Variants in GRID2 observed in about 807,000 individuals in gnomAD.
GRID2 encodes the protein glutamate ionotropic receptor delta type subunit 2.
GRID2 carries 33 observed loss-of-function variants against 114.8 expected under a neutral mutation model. The observed-to-expected ratio is 0.29, with a 90% CI of 0.22 to 0.38. The LOEUF (loss-of-function observed/expected upper bound fraction) is 0.38, where lower values mean the gene tolerates loss of function less well. Ranked by LOEUF, GRID2 falls within the 10% of genes least tolerant of loss-of-function variation. GRID2 has a pLI of 1.00. For missense variants in GRID2, 1,184 were observed against 1,257.7 expected (o/e 0.94, Z 0.89); for synonymous variants, 505 against 449.9 (o/e 1.12, Z -1.55).
At chr4:93,201,235 A>G (rs1189246585) in intron 4 of GRID2, among the ~76,000 whole-genome samples, 1 of 152,210 alleles carries the variant, frequency 6.6e-6, no homozygotes, top group Admixed American at 6.5e-5. Flanking sequence ...ATAATGTGGT[A>G]ATAGCATCTG....
chr4:93,802,798 T>C (rs1734957083), intron 1 of GRID2, among the ~76,000 whole-genome samples: 1 of 152,194 alleles, frequency 6.6e-6, no homozygotes, highest in Non-Finnish European at 1.5e-5. Context: ...TAATTAAGGG[T>C]CAAGGATCCA....
intron 4 of GRID2, among the ~76,000 whole-genome samples, chr4:93,121,438 T>A (rs1381752129): frequency 1.3e-5 from 2 of 152,184 alleles, no homozygotes; most frequent in African/African-American, 4.8e-5. Context: ...GTTTTGTCTT[T>A]CTTTCGTTCA....
intron 13 of GRID2, among the ~76,000 whole-genome samples, chr4:93,599,379 T>A (rs1200406445): frequency 6.6e-6 from 1 of 152,190 alleles, no homozygotes; most frequent in Non-Finnish European, 1.5e-5. Flanking sequence ...CAGGTGTACT[T>A]CAGGTAAATA....
intron 2 of GRID2, among the ~76,000 whole-genome samples, chr4:93,052,215 C>T (rs1181789404): frequency 6.6e-6 from 1 of 151,852 alleles, no homozygotes; most frequent in Non-Finnish European, 1.5e-5. Context: ...GATGATGGAA[C>T]TTATATCAGA....
Position 93,005,330 on chromosome 4 carries a change from G to T in GRID2, c.245-79665G>T, listed in dbSNP as rs1357587467. 2.6e-5 allele frequency among the ~76,000 whole-genome samples: 4 copies of T among 152,106 alleles called. No homozygotes were observed. The East Asian group carries it at 5.8e-4, about 22-fold the overall frequency. On this transcript the variant is annotated intron_variant, in intron 2 of 15. Coordinates refer to ENST00000282020, the MANE Select transcript of GRID2 (RefSeq NM_001510.4). ...ACTAACTCACTCAATAAGTGCTGCT[G>T]GTGCTGCCTACAGACTTTATACCAA...
At chr4:92,822,172 T>C (rs1315061415) in intron 2 of GRID2, 3 of 407,462 alleles carry the variant, frequency 7.4e-6, no homozygotes, top group Non-Finnish European at 1.4e-5. Flanking sequence ...CTGAGGCCTG[T>C]GGTAGCGCAG....
chr4:93,240,968 G>A (rs1216447491), intron 8 of GRID2, among the ~76,000 whole-genome samples: 2 of 151,532 alleles, frequency 1.3e-5, no homozygotes. Flanking sequence ...AGCACAGACA[G>A]TTTGCTTGGC....
intron 2 of GRID2, among the ~76,000 whole-genome samples, chr4:92,601,763 A>T (rs1000308012): frequency 6.6e-6 from 1 of 151,854 alleles, no homozygotes; most frequent in Admixed American, 6.6e-5. Context: ...AAAAATGTAG[A>T]CCACCTGCTG....
At chr4:93,316,303 A>C (rs373370255) in intron 8 of GRID2, among the ~76,000 whole-genome samples, 102 of 117,542 alleles carry the variant, frequency 8.7e-4, no homozygotes, top group Middle Eastern at 7.9e-3. Context: ...AAAGAAAGAA[A>C]GAAAGAAAGA....
intron 1 of GRID2, among the ~76,000 whole-genome samples, chr4:92,432,772 A>G (rs1732526489): frequency 6.6e-6 from 1 of 151,966 alleles, no homozygotes; most frequent in Non-Finnish European, 1.5e-5. Flanking sequence ...CTTCAATATA[A>G]AGTCCCCTTT....
chr4:93,335,763 A>G (rs915303502), intron 8 of GRID2, among the ~76,000 whole-genome samples: 1 of 148,770 alleles, frequency 6.7e-6, no homozygotes, highest in Non-Finnish European at 1.5e-5. Context: ...TGGCATGACA[A>G]TCAGGGCTCA....
intron 2 of GRID2, among the ~76,000 whole-genome samples, chr4:92,921,791 G>C (rs186907624): frequency 6.6e-6 from 1 of 152,202 alleles, no homozygotes. Context: ...CTACTCAGGG[G>C]TCAGGGACCC....
chr4:92,564,684 T>C (rs958496130), intron 1 of GRID2, among the ~76,000 whole-genome samples: 1 of 152,042 alleles, frequency 6.6e-6, no homozygotes, highest in East Asian at 1.9e-4. Context: ...ACTAAAAGAA[T>C]CTTAAACATT....
intron 8 of GRID2, among the ~76,000 whole-genome samples, chr4:93,249,874 G>A (rs552769761): frequency 1.1e-3 from 173 of 152,148 alleles, no homozygotes; most frequent in African/African-American, 3.5e-3. Context: ...TGGAGAAATA[G>A]GAATGCTTTT....
chr4:93,405,421 T>C (rs1560586228), intron 9 of GRID2, among the ~76,000 whole-genome samples: 1 of 152,182 alleles, frequency 6.6e-6, no homozygotes, highest in African/African-American at 2.4e-5. Context: ...ATTGCTATTG[T>C]ATATGTGGTA....
At chr4:92,713,724 G>C (rs915285590) in intron 2 of GRID2, among the ~76,000 whole-genome samples, 1 of 151,528 alleles carries the variant, frequency 6.6e-6, no homozygotes, top group Non-Finnish European at 1.5e-5. Flanking sequence ...GAAAGTTTGT[G>C]CTAAAAATTC....
At chr4:93,228,515 G>T (rs1406352092) in intron 7 of GRID2, among the ~76,000 whole-genome samples, 1 of 152,082 alleles carries the variant, frequency 6.6e-6, no homozygotes, top group East Asian at 1.9e-4. Context: ...TGTCTTCTTT[G>T]CCAAGGATAA....
At chr4:93,106,641 C>T (rs183666174) in intron 3 of GRID2, among the ~76,000 whole-genome samples, 10 of 152,254 alleles carry the variant, frequency 6.6e-5, no homozygotes, top group Middle Eastern at 3.4e-3. Flanking sequence ...TTTTTAATGA[C>T]TCTTACACAC....
chr4:93,660,897 T>C (rs1405434642), intron 14 of GRID2, among the ~76,000 whole-genome samples: 1 of 151,962 alleles, frequency 6.6e-6, no homozygotes, highest in Non-Finnish European at 1.5e-5. Context: ...AATCTTACAC[T>C]GAGACTGTTA....
Sources: gnomAD v4.1 joint callset for allele counts (sites outside exome capture counted in the v4.1 genomes callset) on GRCh38, gnomAD v4.1.1 for gene constraint, MANE v1.5 for transcripts, NCBI Gene and HGNC (gene_info 2026-07-23, HGNC 2026-07-21) for gene names.